KBTBD12: variants seen among roughly 807,000 people sequenced by gnomAD.
The protein encoded by KBTBD12 is kelch repeat and BTB domain-containing protein 12.
KBTBD12 carries 53 observed loss-of-function variants against 58.7 expected under a neutral mutation model. That is an observed-to-expected ratio of 0.90 (90% CI 0.72 to 1.14). The LOEUF (loss-of-function observed/expected upper bound fraction) is 1.14, where lower values mean the gene tolerates loss of function less well. Among genes scored for constraint, KBTBD12 ranks in the 50% most tolerant of loss-of-function variants. The pLI is 0.00. For synonymous variants in KBTBD12, 236 were observed against 259.8 expected (o/e 0.91, Z 0.88); for missense variants, 704 against 751.3 (o/e 0.94, Z 0.74).
chr3:127,979,508 C>A (rs1195906214), intron 5 of KBTBD12, among the ~76,000 whole-genome samples: 1 of 152,190 alleles, frequency 6.6e-6, no homozygotes, highest in Non-Finnish European at 1.5e-5. Context: ...CTGCCCAACA[C>A]AACACAATGG....
chr3:127,951,881 T>C (rs1024937843), intron 4 of KBTBD12, among the ~76,000 whole-genome samples: 1 of 152,138 alleles, frequency 6.6e-6, no homozygotes, highest in Admixed American at 6.5e-5. Context: ...ATCTAGATTT[T>C]CCAAGGTCTG....
At chr3:127,941,522 C>A (rs1939949693) in intron 4 of KBTBD12, among the ~76,000 whole-genome samples, 2 of 152,086 alleles carry the variant, frequency 1.3e-5, no homozygotes, top group Admixed American at 6.6e-5. Context: ...ACGAGAATTT[C>A]CTCAACCTCT....
intron 4 of KBTBD12, among the ~76,000 whole-genome samples, chr3:127,957,721 G>C (rs1940347302): frequency 6.6e-6 from 1 of 152,166 alleles, no homozygotes. Flanking sequence ...CATGCATTCT[G>C]TTCAGTGTTT....
chr3:127,951,354 G>A (rs1452189727), intron 4 of KBTBD12, among the ~76,000 whole-genome samples: 3 of 152,198 alleles, frequency 2.0e-5, no homozygotes, highest in Non-Finnish European at 4.4e-5. Context: ...TTGGTTTAAT[G>A]TTGGTTACAA....
chr3:127,956,055 C>T (rs993836502), intron 4 of KBTBD12, among the ~76,000 whole-genome samples: 2 of 152,190 alleles, frequency 1.3e-5, no homozygotes, highest in Non-Finnish European at 2.9e-5. Flanking sequence ...ACAAGATATT[C>T]CTCATGCCTC....
chr3:127,970,367 G>A (rs1203989372), intron 5 of KBTBD12, among the ~76,000 whole-genome samples: 2 of 152,172 alleles, frequency 1.3e-5, no homozygotes, highest in Admixed American at 6.5e-5. Context: ...AAGTCTGGCA[G>A]TTCCTCAAGA....
At chr3:127,952,766 T>C (rs1292565271) in intron 4 of KBTBD12, among the ~76,000 whole-genome samples, 2 of 152,238 alleles carry the variant, frequency 1.3e-5, no homozygotes, top group African/African-American at 4.8e-5. Context: ...GAGGAGTTAC[T>C]GTAACAGGCA....
chr3:127,931,090 T>C (rs931473883), intron 4 of KBTBD12, among the ~76,000 whole-genome samples: 1 of 152,068 alleles, frequency 6.6e-6, no homozygotes, highest in African/African-American at 2.4e-5. Context: ...CCAATCTGCA[T>C]TGATGGCTAA....
intron 3 of KBTBD12, 81 bp downstream of exon 3, chr3:127,928,115 A>G (rs186036448): frequency 1.7e-6 from 2 of 1,211,592 alleles, no homozygotes; most frequent in Non-Finnish European, 2.4e-6. Flanking sequence ...TAGTTGTTGA[A>G]TGCTAAAAGA....
chr3:127,923,923 A>G lies in KBTBD12; in HGVS notation c.862A>G (p.Arg288Gly). The G allele has an allele frequency of 6.2e-7, 1 of 1,613,942 alleles. No homozygotes were observed. The highest frequency in any genetic ancestry group is 1.1e-5 in the South Asian group (1 of 91,086). The change falls in exon 2 of 6, where the codon AGA (arginine) becomes GGA (glycine). Residue 288 changes from arginine to glycine, a missense_variant. Transcript: ENST00000405109. ...CATTGGCAACAATTCTTCAGGAATC[A>G]GATCAAGACATAGGAGCTATGGGGA... ...LCIGNNSSGI[R>G]SRHRSYGDAS... is the part of the protein sequence containing the mutation.
intron 4 of KBTBD12, among the ~76,000 whole-genome samples, chr3:127,930,881 CCCCTA>C (rs943464110): frequency 3.9e-5 from 6 of 152,146 alleles, no homozygotes; most frequent in African/African-American, 1.2e-4. Flanking sequence ...TCCACAACAT[CCCCTA>C]TGTATCCCCT....
rs2107619761 is a variant in KBTBD12 at position 127,984,532 on chromosome 3, A to C, written c.*254A>C. The C allele has an allele frequency of 5.4e-6, 2 of 367,230 alleles. No homozygotes were observed. The highest frequency in any genetic ancestry group is 7.6e-5 in the South Asian group (2 of 26,174). The allele number at this position is 367,230 out of a possible 1,614,324, so 22.7% of individuals were successfully genotyped here. ...CACAGGAGGGGCACAGGGCCACAGG[A>C]GAGCAGCAGAGGGAGGGTCTCACTC... On this transcript the variant is annotated 3_prime_UTR_variant, in exon 6 of 6. Transcript: ENST00000405109.
chr3:127,936,421 A>G (rs1351902315), intron 4 of KBTBD12, among the ~76,000 whole-genome samples: 1 of 152,016 alleles, frequency 6.6e-6, no homozygotes, highest in African/African-American at 2.4e-5. Context: ...TCATCAATGG[A>G]GATTTATACT....
At chr3:127,976,468 T>C (rs1940785687) in intron 5 of KBTBD12, among the ~76,000 whole-genome samples, 2 of 152,232 alleles carry the variant, frequency 1.3e-5, no homozygotes, top group African/African-American at 4.8e-5. Flanking sequence ...CTATCCGATA[T>C]TCCTGGTGAT....
chr3:127,973,561 T>G (rs1443523369), intron 5 of KBTBD12, among the ~76,000 whole-genome samples: 1 of 152,164 alleles, frequency 6.6e-6, no homozygotes, highest in African/African-American at 2.4e-5. Flanking sequence ...TAAAGGAATT[T>G]CCTCATCCTT....
At chr3:127,973,048 T>C (rs995619576) in intron 5 of KBTBD12, among the ~76,000 whole-genome samples, 1 of 152,208 alleles carries the variant, frequency 6.6e-6, no homozygotes, top group African/African-American at 2.4e-5. Flanking sequence ...ACTTTTACAA[T>C]GGAGAAATTG....
chr3:127,935,028 C>T (rs530528202), intron 4 of KBTBD12, among the ~76,000 whole-genome samples: 23 of 152,178 alleles, frequency 1.5e-4, no homozygotes, highest in African/African-American at 5.3e-4. Context: ...CTGCATAGGA[C>T]GTGTTTTTCT....
chr3:127,969,682 G>T (rs1203934436), intron 5 of KBTBD12, among the ~76,000 whole-genome samples: 1 of 152,166 alleles, frequency 6.6e-6, no homozygotes, highest in Non-Finnish European at 1.5e-5. Context: ...TCAGTCAACT[G>T]ATTTTCAACA....
At chr3:127,954,652 A>C (rs1360753782) in intron 4 of KBTBD12, among the ~76,000 whole-genome samples, 1 of 152,204 alleles carries the variant, frequency 6.6e-6, no homozygotes, top group Non-Finnish European at 1.5e-5. Context: ...GGGTCAGGCA[A>C]AATCAAATAT....
Sources: allele counts gnomAD v4.1 joint callset (sites outside exome capture counted in the v4.1 genomes callset), GRCh38; gene constraint gnomAD v4.1.1; transcripts MANE v1.5; gene names NCBI Gene and HGNC (gene_info 2026-07-23, HGNC 2026-07-21).